Variants in STAU1 observed in about 807,000 individuals in gnomAD.
STAU1 encodes the protein staufen double-stranded RNA binding protein 1.
STAU1 carries 13 observed loss-of-function variants against 62.9 expected under a neutral mutation model. That is an observed-to-expected ratio of 0.21 (90% CI 0.13 to 0.33). STAU1 has a LOEUF of 0.33. Among genes scored for constraint, STAU1 ranks in the 10% least tolerant of loss-of-function variants. The pLI, the probability that STAU1 is intolerant of heterozygous loss-of-function variation, is 1.00. For missense variants in STAU1, 571 were observed against 712.1 expected (o/e 0.80, Z 2.25); for synonymous variants, 269 against 265.1 (o/e 1.01, Z -0.14).
chr20:49,199,308 G>GGT, the STAU1 span, among the ~76,000 whole-genome samples: 2 of 150,740 alleles, frequency 1.3e-5, no homozygotes, highest in Non-Finnish European at 3.0e-5. Context: ...TCGGCTCACT[G>GGT]CAACCTCCAC....
the STAU1 span, among the ~76,000 whole-genome samples, chr20:49,203,179 C>T: frequency 3.9e-5 from 6 of 152,020 alleles, no homozygotes; most frequent in Admixed American, 6.6e-5. Flanking sequence ...AATCCCAATA[C>T]TTTAGGAGCC....
chr20:49,204,108 A>G, the STAU1 span, among the ~76,000 whole-genome samples: 2 of 151,766 alleles, frequency 1.3e-5, no homozygotes, highest in Non-Finnish European at 2.9e-5. Context: ...CTAAAACAAT[A>G]TTGTTTTGTG....
intron 2 of STAU1, among the ~76,000 whole-genome samples, chr20:49,172,885 T>TC (rs2093614672): frequency 6.6e-6 from 1 of 151,914 alleles, no homozygotes; most frequent in South Asian, 2.1e-4. Context: ...TAATACATTT[T>TC]TTTTTTTTTT....
the STAU1 span, among the ~76,000 whole-genome samples, chr20:49,193,717 C>G: frequency 1.3e-5 from 2 of 152,074 alleles, no homozygotes; most frequent in Admixed American, 6.6e-5. Context: ...CCCTGTAATC[C>G]CAGCACTTTG....
intron 3 of STAU1, chr20:49,158,317 C>T (rs2093396243): frequency 1.5e-6 from 1 of 666,732 alleles, no homozygotes; most frequent in African/African-American, 1.9e-5. Context: ...AGCTTTTATT[C>T]TTCTGATGTA....
At chr20:49,219,222 T>A in the STAU1 span, 7 of 840,374 alleles carry the variant, frequency 8.3e-6, no homozygotes, top group Non-Finnish European at 1.3e-5. Context: ...CCGGAGACAA[T>A]GGAATTTGCT....
chr20:49,177,042 G>A (rs2093668589), intron 1 of STAU1, among the ~76,000 whole-genome samples: 1 of 151,832 alleles, frequency 6.6e-6, no homozygotes, highest in Non-Finnish European at 1.5e-5. Flanking sequence ...CTCCCGAGTA[G>A]CTGGGATTAC....
At chr20:49,192,111 C>A (rs544103137), upstream of STAU1, among the ~76,000 whole-genome samples, 1 of 149,156 alleles carries the variant, frequency 6.7e-6, no homozygotes, top group Non-Finnish European at 1.5e-5. Flanking sequence ...CTTTGGGAGG[C>A]CGAGGAGGGC....
At chr20:49,216,734 T>A in the STAU1 span, among the ~76,000 whole-genome samples, 3 of 151,964 alleles carry the variant, frequency 2.0e-5, no homozygotes, top group Admixed American at 2.0e-4. Flanking sequence ...AAGAATGACA[T>A]GGGACGTGGC....
intron 6 of STAU1, among the ~76,000 whole-genome samples, chr20:49,125,496 C>T (rs2092588093): frequency 6.9e-6 from 1 of 144,000 alleles, no homozygotes; most frequent in Non-Finnish European, 1.5e-5. Context: ...CAAAACTGCA[C>T]TCCAGCCTAA....
At chr20:49,128,773 C>CAAAAAAAAAAAAAAAAAAAAAAAAAAAAA (rs34891670) in intron 6 of STAU1, among the ~76,000 whole-genome samples, 1 of 102,678 alleles carries the variant, frequency 9.7e-6, no homozygotes, top group Non-Finnish European at 2.0e-5. Context: ...CATCCAAATC[C>CAAAAAAAAAAAAAAAAAAAAAAAAAAAAA]AAAAAAAAAA....
At chr20:49,126,874 A>T (rs1370596185) in intron 6 of STAU1, among the ~76,000 whole-genome samples, 1 of 150,836 alleles carries the variant, frequency 6.6e-6, no homozygotes, top group East Asian at 1.9e-4. Flanking sequence ...GGTGGGGGGA[A>T]GAAAAAAAAA....
intron 8 of STAU1, 138 bp from the exon 9 acceptor site, chr20:49,120,266 C>T (rs983805137): frequency 3.6e-5 from 33 of 908,246 alleles, no homozygotes; most frequent in Non-Finnish European, 4.5e-5. Context: ...GCCTCCTTGT[C>T]TCTGAGAGCT....
chr20:49,195,904 A>AAAAAAAAAAGAAAAAG, the STAU1 span, among the ~76,000 whole-genome samples: 4 of 95,278 alleles, frequency 4.2e-5, no homozygotes, highest in African/African-American at 5.9e-5. Context: ...CTCTCAAAAA[A>AAAAAAAAAAGAAAAAG]AAAAAAAAAA....
At chr20:49,125,176 C>A (rs2092570376) in intron 6 of STAU1, among the ~76,000 whole-genome samples, 1 of 77,890 alleles carries the variant, frequency 1.3e-5, no homozygotes, top group African/African-American at 4.9e-5. Flanking sequence ...TAAACAGACA[C>A]ACATTTATAA....
chr20:49,172,358 A>T (rs897182021), intron 2 of STAU1, among the ~76,000 whole-genome samples: 1 of 152,234 alleles, frequency 6.6e-6, no homozygotes, highest in South Asian at 2.1e-4. Context: ...TCTAGGAGAC[A>T]TTCTCAAAAA....
chr20:49,174,371 G>C (rs1393687405), intron 1 of STAU1, 102 bp from the exon 2 acceptor site: 1 of 152,122 alleles, frequency 6.6e-6, no homozygotes, highest in East Asian at 1.9e-4. Context: ...TTACAAGTAG[G>C]GAAGACTGAA....
chr20:49,202,379 T>C, the STAU1 span, among the ~76,000 whole-genome samples: 2 of 151,734 alleles, frequency 1.3e-5, no homozygotes, highest in African/African-American at 4.8e-5. Context: ...CTGGCCAACA[T>C]GGTAAAACTC....
chr20:49,120,011 T>A lies in STAU1; in HGVS notation c.1084A>T (p.Thr362Ser). 1 of 1,614,148 alleles carries A rather than the reference T, an allele frequency of 6.2e-7. No individual in the cohort carries two copies. Residue 362 changes from threonine (T) to serine (S), a missense_variant, in exon 9 of 14, where the codon ACC becomes TCC. Thr to Ser is a moderately conservative substitution (Grantham distance 58, BLOSUM62 1). This residue lies in a region of STAU1 where 414 missense variants were observed against 499.6 expected (regional missense o/e 0.83). Transcript: ENST00000371856. ...TCCTCTGACTTGAGTGCGGGTTTGGTGGGCTGCGCCTGCGGGACTTTGAAA... is the reference window on the plus strand; with the variant it reads ...TCCTCTGACTTGAGTGCGGGTTTGGAGGGCTGCGCCTGCGGGACTTTGAAA... ...LGFKVPQAQP[T>S]KPALKSEEKT...
Sources: gnomAD v4.1 joint callset for allele counts (sites outside exome capture counted in the v4.1 genomes callset) on GRCh38, gnomAD v4.1.1 for gene constraint, gnomAD v4.1.1 regional missense constraint, MANE v1.5 for transcripts, NCBI Gene and HGNC (gene_info 2026-07-23, HGNC 2026-07-21) for gene names.